The following PCDH15 variants were observed in gnomAD, a reference collection of about 807,000 sequenced individuals.
The protein encoded by PCDH15 is protocadherin-15.
In PCDH15, 129 loss-of-function variants were observed where a neutral mutation model predicts 178.5. That is an observed-to-expected ratio of 0.72 (90% CI 0.63 to 0.84). The LOEUF is 0.84. Among genes scored for constraint, PCDH15 ranks in the 40% least tolerant of loss-of-function variants. The pLI, the probability that PCDH15 is intolerant of heterozygous loss-of-function variation, is 0.00. For synonymous variants in PCDH15, 800 were observed against 732.0 expected, an observed-to-expected ratio of 1.09 and a Z score of -1.50; for missense variants, 2,230 against 2,099.9, an observed-to-expected ratio of 1.06 and a Z score of -1.21.
chr10:54,321,842 T>C (rs6481086), intron 7 of PCDH15, among the ~76,000 whole-genome samples: 107,131 of 151,840 alleles, frequency 0.71, 38,554 homozygotes, highest in Middle Eastern at 0.81. Context: ...CCTGGCAAAA[T>C]GATTGTGAGC....
rs188168509 is a variant in PCDH15, at chr10:54,666,232, T to A, written c.-28-1942A>T. ...AACCTCCAAAGTCTTAAATACAGAT[T>A]TACTCAATCTATCTTTAGCAAGGGC... On this transcript the variant is annotated intron_variant, in intron 1 of 37. Coordinates refer to ENST00000644397, the MANE Select transcript of PCDH15 (RefSeq NM_001384140.1). Among the ~76,000 whole-genome samples the A allele has an allele frequency of 5.9e-5, 9 of 152,126 alleles. No individual in the cohort carries two copies. In the East Asian group the frequency reaches 1.7e-3, roughly 29 times the overall value.
intron 5 of PCDH15, among the ~76,000 whole-genome samples, chr10:54,364,235 T>G (rs1365114418): frequency 6.6e-6 from 1 of 151,694 alleles, no homozygotes; most frequent in Non-Finnish European, 1.5e-5. Flanking sequence ...ATTGACCTTG[T>G]CTGCAGTAAA....
At chr10:53,975,995 A>C (rs1305946207) in intron 21 of PCDH15, among the ~76,000 whole-genome samples, 1 of 152,158 alleles carries the variant, frequency 6.6e-6, no homozygotes, top group Non-Finnish European at 1.5e-5. Flanking sequence ...ATGGCTAGCG[A>C]GTATACTAGC....
chr10:55,076,883 C>T (rs1841904159), intron 2 of PCDH15, among the ~76,000 whole-genome samples: 1 of 151,118 alleles, frequency 6.6e-6, no homozygotes, highest in African/African-American at 2.4e-5. Context: ...ATTCTCCTGC[C>T]TCAGCCTCCT....
At chr10:54,325,425 G>A (rs1377072245) in intron 7 of PCDH15, among the ~76,000 whole-genome samples, 4 of 151,918 alleles carry the variant, frequency 2.6e-5, no homozygotes, top group Admixed American at 2.6e-4. Flanking sequence ...TAATGTACAT[G>A]ACTTACATTG....
intron 1 of PCDH15, among the ~76,000 whole-genome samples, chr10:55,200,767 C>A (rs1840223249): frequency 1.3e-5 from 2 of 151,974 alleles, no homozygotes; most frequent in African/African-American, 4.8e-5. Context: ...AGAGTGAGTT[C>A]TCATGAGATT....
At chr10:54,578,306 A>G (rs2090712408) in intron 2 of PCDH15, among the ~76,000 whole-genome samples, 1 of 152,152 alleles carries the variant, frequency 6.6e-6, no homozygotes, top group Non-Finnish European at 1.5e-5. Flanking sequence ...CATCATTTTT[A>G]TAAATATGAG....
At chr10:53,866,883 A>T (rs1252618710) in intron 26 of PCDH15, 26 bp from the exon 27 acceptor site, 4 of 1,482,894 alleles carry the variant, frequency 2.7e-6, no homozygotes, top group Non-Finnish European at 3.8e-6. Context: ...AAAAAAAGAG[A>T]TTATAATTAA....
intron 2 of PCDH15, among the ~76,000 whole-genome samples, chr10:55,551,832 T>C (rs1413631122): frequency 6.6e-6 from 1 of 151,820 alleles, no homozygotes; most frequent in East Asian, 1.9e-4. Flanking sequence ...TTAAAAGCTA[T>C]TCATAAATGT....
intron 3 of PCDH15, among the ~76,000 whole-genome samples, chr10:54,470,882 G>C (rs1451485487): frequency 6.6e-6 from 1 of 151,958 alleles, no homozygotes; most frequent in Non-Finnish European, 1.5e-5. Flanking sequence ...GGTGAGTACC[G>C]GATGCTTTCC....
chr10:54,527,617 G>T (rs959781057), intron 3 of PCDH15, among the ~76,000 whole-genome samples, 195 bp downstream of exon 3: 3 of 152,018 alleles, frequency 2.0e-5, no homozygotes, highest in Admixed American at 6.6e-5. Flanking sequence ...AATTGAATGA[G>T]ACTTTTATAA....
chr10:55,300,941 C>T (rs1231878452), intron 1 of PCDH15, among the ~76,000 whole-genome samples: 1 of 152,154 alleles, frequency 6.6e-6, no homozygotes, highest in Admixed American at 6.5e-5. Flanking sequence ...ACAAATATCT[C>T]TCATGGTGCC....
chr10:54,629,969 T>C (rs1298108733), intron 2 of PCDH15, among the ~76,000 whole-genome samples: 1 of 151,944 alleles, frequency 6.6e-6, no homozygotes, highest in Admixed American at 6.6e-5. Context: ...GGAGCCAAAT[T>C]AAGATCAAAA....
chr10:54,981,052 A>G (rs1429573457), intron 2 of PCDH15, among the ~76,000 whole-genome samples: 2 of 152,196 alleles, frequency 1.3e-5, no homozygotes, highest in Non-Finnish European at 2.9e-5. Flanking sequence ...ATGGGCAAAA[A>G]GCATTTAATA....
intron 2 of PCDH15, among the ~76,000 whole-genome samples, chr10:55,346,099 G>A (rs1301949763): frequency 6.6e-6 from 1 of 151,918 alleles, no homozygotes; most frequent in Non-Finnish European, 1.5e-5. Flanking sequence ...GCTATTTTTT[G>A]ACACATGTAA....
chr10:54,101,158 T>C (rs1261974141), intron 15 of PCDH15, among the ~76,000 whole-genome samples: 1 of 152,104 alleles, frequency 6.6e-6, no homozygotes, highest in Non-Finnish European at 1.5e-5. Flanking sequence ...GTTTGAAAAA[T>C]GGTAGTTTCC....
chr10:54,260,402 ATT>A (rs201370793), intron 8 of PCDH15, among the ~76,000 whole-genome samples: 6 of 151,504 alleles, frequency 4.0e-5, no homozygotes, highest in African/African-American at 9.7e-5. Context: ...GTTTAAAAAA[ATT>A]TATAGAAACT....
rs531201010 is a variant in PCDH15 at position 53,831,182 on chromosome 10, T to C, written c.4202+133A>G. 1.4e-4 allele frequency: 122 copies of C among 884,772 alleles called. 1 individual carries two copies. The Middle Eastern group carries it at 5.1e-3, about 37-fold the overall frequency. The allele number at this position is 884,772 out of a possible 1,614,324, so 54.8% of individuals were successfully genotyped here. On this transcript the variant is annotated intron_variant, in intron 30 of 37. Transcript: ENST00000644397. Reference sequence around the variant, plus strand: ...TTGAAGAAAATCATTTGGTACGAGATAGACAGACAGATAAAGCAATCTCAG... The same window carrying C: ...TTGAAGAAAATCATTTGGTACGAGACAGACAGACAGATAAAGCAATCTCAG...
At chr10:53,950,275 G>A (rs1376374326) in intron 23 of PCDH15, among the ~76,000 whole-genome samples, 3 of 151,566 alleles carry the variant, frequency 2.0e-5, no homozygotes, top group Admixed American at 1.3e-4. Flanking sequence ...TATAACTTAG[G>A]GATATTTGCC....
Sources: gnomAD v4.1 joint callset for allele counts (sites outside exome capture counted in the v4.1 genomes callset) on GRCh38, gnomAD v4.1.1 for gene constraint, MANE v1.5 for transcripts, NCBI Gene and HGNC (gene_info 2026-07-23, HGNC 2026-07-21) for gene names.